Variants in MKI67 observed in about 807,000 individuals in gnomAD.
MKI67 encodes the protein proliferation marker protein Ki-67.
A neutral mutation model predicts 233.5 loss-of-function variants in MKI67; 152 were observed. The ratio of observed to expected loss-of-function variants is 0.65; its 90% CI spans 0.57 to 0.74. MKI67 has a LOEUF of 0.74. MKI67 is among the 30% of genes least tolerant of loss of function. The pLI, the probability that MKI67 is intolerant of heterozygous loss-of-function variation, is 0.00. For synonymous variants in MKI67, 1,465 were observed against 1,418.5 expected (o/e 1.03, Z -0.74); for missense variants, 3,940 against 3,885.2 (o/e 1.01, Z -0.37).
At position 128,115,739 on chromosome 10, in the gene MKI67, A is replaced by G; in HGVS notation, c.669T>C (p.Thr223=). The G allele has an allele frequency of 1.9e-6, 3 of 1,613,724 alleles. No individual in the cohort carries two copies. Among genetic ancestry groups the G allele is most frequent in the Non-Finnish European group, 2.5e-6 (3 of 1,180,032 alleles). The change falls in exon 7 of 15, where the codon ACT becomes ACC. Residue 223 remains threonine, a synonymous_variant. Coordinates refer to ENST00000368654, the MANE Select transcript of MKI67 (RefSeq NM_002417.5). ...SRYGELKSVP[T]TQCLDNSKKN... The stretch of plus-strand genomic sequence containing the variant: ...TTTTGCTATTGTCAAGACATTGTGT[A>G]GTGGGAACAGACTTCAATTCTCCAT...
chr10:128,114,951 A>T lies in MKI67; in HGVS notation c.1457T>A (p.Ile486Asn), dbSNP rs772771067. Residue 486 changes from isoleucine to asparagine, a missense_variant, in exon 7 of 15, where the codon ATC becomes AAC. By Grantham distance (149) the Ile-to-Asn change is moderately radical. Transcript: ENST00000368654. Reference sequence around the variant, plus strand: ...ACTAATGGAATCACCAAAGTTGTTGATATCAACTGAACTAAGACCAGGTAA... The same window carrying T: ...ACTAATGGAATCACCAAAGTTGTTGTTATCAACTGAACTAAGACCAGGTAA... ...SGLPGLSSVD[I>N]NNFGDSINES... 12 of 1,558,224 alleles carry T rather than the reference A, an allele frequency of 7.7e-6. No homozygotes were observed. In the Admixed American group the frequency reaches 1.4e-4, roughly 19 times the overall value.
intron 5 of MKI67, among the ~76,000 whole-genome samples, chr10:128,116,886 A>C (rs1852819455): frequency 6.6e-6 from 1 of 152,230 alleles, no homozygotes; most frequent in Non-Finnish European, 1.5e-5. Context: ...TAGCCTGGGC[A>C]ATAAAGCGAG....
In MKI67 at chr10:128,109,150, TTTG is replaced by T; in HGVS notation, c.2687_2689del (p.Thr896del). Reference sequence around the variant, plus strand: ...TAGGATGCACTCAACAATTTCTGTATTTGTTTCTTCACTCTTACTTTCCACAGG... The same window carrying T: ...TAGGATGCACTCAACAATTTCTGTATTTTCTTCACTCTTACTTTCCACAGG... On this transcript the variant is annotated inframe_deletion, in exon 13 of 15. Transcript: ENST00000368654. 6.2e-7 allele frequency: 1 copy of T among 1,614,252 alleles called. No individual in the cohort carries two copies. The highest frequency in any genetic ancestry group is 2.2e-5 in the East Asian group (1 of 44,892).
At chr10:128,124,090 A>C (rs557571240) in intron 2 of MKI67, among the ~76,000 whole-genome samples, 27 of 152,354 alleles carry the variant, frequency 1.8e-4, no homozygotes, top group South Asian at 6.2e-4. Flanking sequence ...AAATTATAAA[A>C]TCTTGCATGA....
At position 128,107,251 on chromosome 10, in the gene MKI67, C is replaced by T. The variant is rs191507160; in HGVS notation, c.4589G>A (p.Arg1530Gln). 166 of 1,613,928 alleles carry T rather than the reference C, an allele frequency of 1.0e-4. No homozygotes were observed. The East Asian group carries it at 3.3e-3, about 33-fold the overall frequency. Residue 1530 changes from arginine (R) to glutamine (Q), a missense_variant, in exon 13 of 15, where the codon CGA (arginine) becomes CAA (glutamine). Physicochemically the swap from Arg to Gln is conservative, Grantham distance 43 (BLOSUM62 1). Transcript: ENST00000368654. Reference sequence around the variant, plus strand: ...CATGGCTTTGCCTGCTGATGGTGTTCGTTTCCTGAGTGCGAAGAATTCTTC... The same window carrying T: ...CATGGCTTTGCCTGCTGATGGTGTTTGTTTCCTGAGTGCGAAGAATTCTTC... ...VEEEFFALRKRTPSAGKAMHT... is the reference protein window; with the variant it reads ...VEEEFFALRKQTPSAGKAMHT...
rs767712792 is a variant in MKI67, at chr10:128,105,887, G to T, written c.5953C>A (p.Gln1985Lys). ...GTTGGGGTTTTGACTGGGTCTGGTT[G>T]TGGAGATTTGCAGGATACTTCTGTG... ...KITEVSCKSP[Q>K]PDPVKTPTSS... Residue 1985 changes from glutamine to lysine, a missense_variant, in exon 13 of 15, where the codon CAA becomes AAA. Transcript: ENST00000368654. The T allele has an allele frequency of 1.2e-6, 2 of 1,613,984 alleles. No individual in the cohort carries two copies. The highest frequency in any genetic ancestry group is 1.7e-6 in the Non-Finnish European group (2 of 1,180,008).
intron 14 of MKI67, 134 bp from the exon 15 acceptor site, chr10:128,099,389 T>C (rs1256807222): frequency 1.2e-5 from 6 of 502,552 alleles, no homozygotes; most frequent in African/African-American, 9.8e-5. Flanking sequence ...AATTTTGAGG[T>C]TGGAAATAAG....
At position 128,125,260 on chromosome 10, in the gene MKI67, GCA is replaced by G. The variant is rs1853030389; in HGVS notation, c.92+314_92+315del. Among the ~76,000 whole-genome samples, 1 of 152,088 alleles carries G rather than the reference GCA, an allele frequency of 6.6e-6. No homozygotes were observed. Among genetic ancestry groups the G allele is most frequent in the Admixed American group, 6.6e-5 (1 of 15,266 alleles). On this transcript the variant is annotated intron_variant, in intron 2 of 14. Transcript: ENST00000368654. The surrounding 1 kb of genome is among the most constrained non-coding windows in gnomAD (Gnocchi z 5.3). ...GCCCACTGTGGAGGCACCCGGGGGC[GCA>G]CAGTGTCTTCAGACGCCTGCCTGCA... is the stretch of plus-strand genomic sequence containing the variant.
rs1467519498 is a variant in MKI67, at chr10:128,106,993, T to C, written c.4847A>G (p.Lys1616Arg). Residue 1616 changes from lysine to arginine, a missense_variant, in exon 13 of 15, where the codon AAA (lysine) becomes AGA (arginine). Physicochemically the swap from Lys to Arg is conservative, Grantham distance 26. Transcript: ENST00000368654. ...TNDKTAKVAC[K>R]SSQPDPDKNP... ...TTTGTCTGGGTCTGGTTGTGAAGAT[T>C]TGCAGGCTACTTTGGCAGTTTTATC... 6.2e-7 allele frequency: 1 copy of C among 1,613,470 alleles called. No individual in the cohort carries two copies. Among genetic ancestry groups the C allele is most frequent in the Admixed American group, 1.7e-5 (1 of 59,970 alleles).
Position 128,107,934 on chromosome 10 carries a change from T to C in MKI67, c.3906A>G (p.Ser1302=). The C allele has an allele frequency of 6.2e-7, 1 of 1,613,874 alleles. No homozygotes were observed. The highest frequency in any genetic ancestry group is 2.2e-5 in the East Asian group (1 of 44,844). ...AGKAMHTPKP[S]VGEEKDIIIF... is the part of the protein sequence containing the mutation. Reference sequence around the variant, plus strand: ...TGATGATGTCTTTCTCTTCACCTACTGATGGTTTAGGCGTGTGCATGGCTT... The same window carrying C: ...TGATGATGTCTTTCTCTTCACCTACCGATGGTTTAGGCGTGTGCATGGCTT... Residue 1302 remains serine, a synonymous_variant, in exon 13 of 15, where the codon TCA becomes TCG. Transcript: ENST00000368654.
In MKI67 at chr10:128,107,222, T is replaced by G; in HGVS notation, c.4618A>C (p.Thr1540Pro). ...RTPSAGKAMH[T>P]PKPAVSGEKN... ...TCACCACTTACTGCTGGTTTGGGTG[T>G]GTGCATGGCTTTGCCTGCTGATGGT... is the stretch of plus-strand genomic sequence containing the variant. Residue 1540 changes from threonine (T) to proline (P), a missense_variant, in exon 13 of 15, where the codon ACA becomes CCA. Physicochemically the swap from Thr to Pro is conservative, Grantham distance 38. Coordinates refer to ENST00000368654, the MANE Select transcript of MKI67 (RefSeq NM_002417.5). 1.2e-6 allele frequency: 2 copies of G among 1,614,194 alleles called. No homozygotes were observed. The highest frequency in any genetic ancestry group is 1.7e-6 in the Non-Finnish European group (2 of 1,180,020).
In MKI67 at chr10:128,109,039, TC is replaced by T. The variant is rs1565007780; in HGVS notation, c.2800del (p.Glu934LysfsTer5). On this transcript the variant is annotated frameshift_variant, in exon 13 of 15. Transcript: ENST00000368654. LOFTEE classifies it high-confidence loss of function. The part of the protein sequence containing the change: ...EIERPFETYK[E>X]NIELKENDEK... ...ATCGTTTTCTTTTAATTCAATATTT[TC>T]CTTATATGTCTCAAAAGGTCTTTCT... 1 of 1,614,182 alleles carries T rather than the reference TC, an allele frequency of 6.2e-7. No homozygotes were observed. Among genetic ancestry groups the T allele is most frequent in the Admixed American group, 1.7e-5 (1 of 60,032 alleles).
At position 128,125,594 on chromosome 10, in the gene MKI67, C is replaced by G; in HGVS notation, c.74G>C (p.Ser25Thr). ...GGCTCACCTTCCAAACAAGCAGGTG[C>G]TGAGGCTCAGGGGAAAGTGGGGACC... ...VDGPHFPLSL[S>T]TCLFGRGIEC... Residue 25 changes from serine to threonine, a missense_variant, in exon 2 of 15, where the codon AGC becomes ACC. By Grantham distance (58) the Ser-to-Thr change is moderately conservative (BLOSUM62 1). Transcript: ENST00000368654. The surrounding 1 kb of genome is among the most constrained non-coding windows in gnomAD (Gnocchi z 5.3). 1 of 1,613,362 alleles carries G rather than the reference C, an allele frequency of 6.2e-7. No homozygotes were observed. Among genetic ancestry groups the G allele is most frequent in the Non-Finnish European group, 8.5e-7 (1 of 1,179,792 alleles).
intron 11 of MKI67, 136 bp downstream of exon 11, chr10:128,111,509 G>A: frequency 7.4e-6 from 6 of 813,394 alleles, no homozygotes; most frequent in Non-Finnish European, 1.1e-5. Flanking sequence ...TGAACACTAA[G>A]ACCCCAGAAG....
At chr10:128,122,785 C>T in intron 4 of MKI67, 96 bp downstream of exon 4, 1 of 587,008 alleles carries the variant, frequency 1.7e-6, no homozygotes, top group Non-Finnish European at 3.0e-6. Context: ...CTTTGACATC[C>T]ATGAACATTA....
In MKI67 at chr10:128,107,389, G is replaced by A. The variant is rs201511902; in HGVS notation, c.4451C>T (p.Thr1484Met). 18 of 1,612,370 alleles carry A rather than the reference G, an allele frequency of 1.1e-5. No individual in the cohort carries two copies. Among genetic ancestry groups the A allele is most frequent in the African/African-American group, 6.7e-5 (5 of 74,368 alleles). ...FQTPVCTDKP[T>M]THEKTTKIAC... Reference sequence around the variant, plus strand: ...TATTTTGGTAGTTTTCTCGTGAGTCGTGGGCTTGTCAGTGCATACTGGTGT... The same window carrying A: ...TATTTTGGTAGTTTTCTCGTGAGTCATGGGCTTGTCAGTGCATACTGGTGT... Residue 1484 changes from threonine to methionine, a missense_variant, in exon 13 of 15, where the codon ACG (threonine) becomes ATG (methionine). Thr to Met is a moderately conservative substitution (Grantham distance 81, BLOSUM62 -1). Coordinates refer to ENST00000368654, the MANE Select transcript of MKI67 (RefSeq NM_002417.5).
intron 8 of MKI67, 29 bp from the exon 9 acceptor site, chr10:128,112,474 C>T: frequency 6.3e-7 from 1 of 1,599,796 alleles, no homozygotes; most frequent in Non-Finnish European, 8.6e-7. Flanking sequence ...TTACAAGAAG[C>T]CTTAACAAGG....
chr10:128,114,137 A>C (rs537403784), intron 7 of MKI67, among the ~76,000 whole-genome samples: 1 of 152,296 alleles, frequency 6.6e-6, no homozygotes, highest in South Asian at 2.1e-4. Context: ...CTGATGTTAC[A>C]AACCTTATTT....
Position 128,115,319 on chromosome 10 carries a change from G to A in MKI67, c.1089C>T (p.Asn363=). Reference sequence around the variant, plus strand: ...TTCTACCAGTAGTATACAGGTCTTTGTTCTTATGTTTTTGTGGAGAATTTT... The same window carrying A: ...TTCTACCAGTAGTATACAGGTCTTTATTCTTATGTTTTTGTGGAGAATTTT... The part of the protein sequence containing the change: ...QQQNSPQKHK[N]KDLYTTGRRE... The change falls in exon 7 of 15, where the codon AAC becomes AAT. Residue 363 remains asparagine, a synonymous_variant. Transcript: ENST00000368654. The A allele has an allele frequency of 6.2e-7, 1 of 1,614,112 alleles. No homozygotes were observed. The highest frequency in any genetic ancestry group is 8.5e-7 in the Non-Finnish European group (1 of 1,180,022).
Sources: allele counts gnomAD v4.1 joint callset (sites outside exome capture counted in the v4.1 genomes callset), GRCh38; gene constraint gnomAD v4.1.1; non-coding constraint Gnocchi (gnomAD v3.1); transcripts MANE v1.5; gene names NCBI Gene and HGNC (gene_info 2026-07-23, HGNC 2026-07-21).